The following SPAST variants were observed in gnomAD, a reference collection of about 807,000 sequenced individuals.
SPAST encodes the protein spastin, also known as spastic paraplegia 4 (autosomal dominant; spastin).
Under a neutral mutation model 76.6 loss-of-function variants are expected in SPAST, and 30 were observed. That is an observed-to-expected ratio of 0.39 (90% confidence interval 0.29 to 0.53). The LOEUF (loss-of-function observed/expected upper bound fraction) is 0.53. Ranked by LOEUF, SPAST falls within the 20% of genes least tolerant of loss-of-function variation. The pLI is 0.68. For synonymous variants in SPAST, 305 were observed against 281.0 expected (o/e 1.09, Z -0.86); for missense variants, 717 against 770.5 (o/e 0.93, Z 0.82).
chr2:32,154,726 C>A lies in SPAST; in HGVS notation c.*230C>A. On this transcript the variant is annotated 3_prime_UTR_variant, in exon 17 of 17. Coordinates refer to ENST00000315285, the MANE Select transcript of SPAST (RefSeq NM_014946.4). ...CTTGCCTTGATGGTCACAGTTATCCCAATGGACACTAAGTTAGAGCACAAC... is the reference window on the plus strand; with the variant it reads ...CTTGCCTTGATGGTCACAGTTATCCAAATGGACACTAAGTTAGAGCACAAC... The A allele has an allele frequency of 1.9e-6, 1 of 518,602 alleles. No individual in the cohort carries two copies. Among genetic ancestry groups the A allele is most frequent in the South Asian group, 2.1e-5 (1 of 47,660 alleles). The allele number at this position is 518,602 out of a possible 1,614,324, so 32.1% of individuals were successfully genotyped here. A position where few individuals can be genotyped will look rare whatever the true frequency, so the allele number is the denominator to read the frequency against.
At chr2:32,107,469 T>TCTAAAACTC in intron 4 of SPAST, among the ~76,000 whole-genome samples, 1 of 152,022 alleles carries the variant, frequency 6.6e-6, no homozygotes, top group African/African-American at 2.4e-5. Flanking sequence ...GTCAAGCTAG[T>TCTAAAACTC]CTGAGACTCC....
chr2:32,105,245 G>A (rs6543648), intron 4 of SPAST, among the ~76,000 whole-genome samples: 41,870 of 151,836 alleles, frequency 0.28, 6,179 homozygotes, highest in East Asian at 0.55. Context: ...TGATCGAATC[G>A]GCTACTGAAG....
At chr2:32,147,398 C>T (rs1256696870) in intron 16 of SPAST, 140 bp downstream of exon 16, 4 of 559,714 alleles carry the variant, frequency 7.1e-6, no homozygotes, top group Non-Finnish European at 3.0e-6. Context: ...TATCGGCTCA[C>T]TGCAACCTCC....
At position 32,064,043 on chromosome 2, in the gene SPAST, T is replaced by G; in HGVS notation, c.212T>G (p.Leu71Arg). 6.2e-7 allele frequency: 1 copy of G among 1,613,310 alleles called. No individual in the cohort carries two copies. Among genetic ancestry groups the G allele is most frequent in the Non-Finnish European group, 8.5e-7 (1 of 1,179,526 alleles). Residue 71 changes from leucine to arginine, a missense_variant, in exon 1 of 17, where the codon CTG becomes CGG. Leu to Arg is a moderately radical substitution (Grantham distance 102, BLOSUM62 -2). Around this residue, in one of 3 missense-constraint regions of SPAST, gnomAD observed 543 missense variants for 445.2 expected, o/e 1.22. Transcript: ENST00000315285. Reference protein sequence around the residue: ...FALLRLVAFHLGLLFVWLCQR... With the variant: ...FALLRLVAFHRGLLFVWLCQR... ...CTGCTGCGTTTGGTCGCCTTCCACC[T>G]GGGGCTCCTCTTCGTGTGGCTCTGC...
chr2:32,126,387 A>G (rs1475812244), intron 7 of SPAST: 2 of 151,596 alleles, frequency 1.3e-5, no homozygotes, highest in Non-Finnish European at 2.9e-5. Flanking sequence ...GGGATTTCTA[A>G]GTAGAGAAAC....
intron 1 of SPAST, among the ~76,000 whole-genome samples, chr2:32,078,335 G>T (rs765168558): frequency 6.6e-6 from 1 of 152,126 alleles, no homozygotes; most frequent in Non-Finnish European, 1.5e-5. Context: ...ACCATGCCTG[G>T]CTAATTTTTG....
At chr2:32,072,858 C>G (rs1676807147) in intron 1 of SPAST, among the ~76,000 whole-genome samples, 1 of 152,116 alleles carries the variant, frequency 6.6e-6, no homozygotes, top group African/African-American at 2.4e-5. Flanking sequence ...TTCTTTGGGC[C>G]TAATGATTCT....
At position 32,125,953 on chromosome 2, in the gene SPAST, C is replaced by A. The variant is rs1222921323; in HGVS notation, c.1099-995C>A. On this transcript the variant is annotated intron_variant, in intron 7 of 16. Coordinates refer to ENST00000315285, the MANE Select transcript of SPAST (RefSeq NM_014946.4). ...GGGACGACAGGCACCCGCCACCACG[C>A]CCGGCTAATTTTTTTGTATTTTTAG... Among the ~76,000 whole-genome samples the A allele has an allele frequency of 2.0e-5, 3 of 152,266 alleles. No individual in the cohort carries two copies. The East Asian group carries it at 5.8e-4, about 29-fold the overall frequency.
chr2:32,137,294 C>A (rs1679572204), intron 12 of SPAST, 106 bp downstream of exon 12: 1 of 947,602 alleles, frequency 1.1e-6, no homozygotes, highest in South Asian at 1.3e-5. Flanking sequence ...ACTAAATTCA[C>A]TATTTTCTTC....
Position 32,120,525 on chromosome 2 carries a change from C to T in SPAST, c.1098+4313C>T, listed in dbSNP as rs149479175. Among the ~76,000 whole-genome samples, 754 of 148,270 alleles carry T rather than the reference C, an allele frequency of 5.1e-3. 6 individuals are homozygous for T. The highest frequency in any genetic ancestry group is 0.017 in the African/African-American group (695 of 40,568). On this transcript the variant is annotated intron_variant, in intron 7 of 16. Coordinates refer to ENST00000315285, the MANE Select transcript of SPAST (RefSeq NM_014946.4). The stretch of plus-strand genomic sequence containing the variant: ...GATAATTCTTCTGTTCCATTTCAGT[C>T]TAATTTCCACATGGCCAAACCAATC...
intron 8 of SPAST, chr2:32,128,198 T>C (rs1679257566): frequency 4.0e-6 from 2 of 498,136 alleles, no homozygotes; most frequent in African/African-American, 2.0e-5. Flanking sequence ...TTTCACCATG[T>C]TGGCCAGGCT....
At chr2:32,113,014 T>G (rs1419549088) in intron 4 of SPAST, among the ~76,000 whole-genome samples, 1 of 152,186 alleles carries the variant, frequency 6.6e-6, no homozygotes, top group African/African-American at 2.4e-5. Context: ...ACAAATAACC[T>G]TTTCAACTTA....
At chr2:32,083,671 ATATAT>A (rs1488091014) in intron 1 of SPAST, among the ~76,000 whole-genome samples, 1 of 138,078 alleles carries the variant, frequency 7.2e-6, no homozygotes, top group Non-Finnish European at 1.5e-5. Flanking sequence ...ATATATATAT[ATATAT>A]TTTTATGCTA....
chr2:32,069,749 C>T (rs1295040932), intron 1 of SPAST, among the ~76,000 whole-genome samples: 2 of 151,710 alleles, frequency 1.3e-5, no homozygotes, highest in Non-Finnish European at 2.9e-5. Flanking sequence ...TTAGTAGAGA[C>T]GGGGTTTCAC....
intron 4 of SPAST, among the ~76,000 whole-genome samples, chr2:32,108,516 A>G (rs939245980): frequency 6.6e-6 from 1 of 151,886 alleles, no homozygotes; most frequent in African/African-American, 2.4e-5. Context: ...TACTTTATTT[A>G]TATATTTATT....
At chr2:32,090,504 A>T (rs1459978130) in intron 3 of SPAST, among the ~76,000 whole-genome samples, 1 of 152,186 alleles carries the variant, frequency 6.6e-6, no homozygotes, top group Admixed American at 6.5e-5. Context: ...ACACCTAAAA[A>T]ATAACTCCAA....
At chr2:32,143,092 C>T (rs189246413) in intron 13 of SPAST, among the ~76,000 whole-genome samples, 147 of 152,094 alleles carry the variant, frequency 9.7e-4, no homozygotes, top group Non-Finnish European at 1.6e-3. Flanking sequence ...TAGGGAGACC[C>T]TGTCTCTACA....
At chr2:32,117,475 A>T (rs1678879398) in intron 7 of SPAST, among the ~76,000 whole-genome samples, 1 of 150,688 alleles carries the variant, frequency 6.6e-6, no homozygotes, top group South Asian at 2.1e-4. Context: ...TTTTTTAATT[A>T]TTTTTAAAAA....
intron 4 of SPAST, among the ~76,000 whole-genome samples, chr2:32,111,563 A>G (rs983568060): frequency 2.0e-5 from 3 of 151,406 alleles, no homozygotes; most frequent in African/African-American, 7.3e-5. Context: ...AAAGCCACGT[A>G]TTATATATTA....
Sources: allele counts gnomAD v4.1 joint callset (sites outside exome capture counted in the v4.1 genomes callset), GRCh38; gene constraint gnomAD v4.1.1; regional missense constraint gnomAD v4.1.1; transcripts MANE v1.5; gene names NCBI Gene and HGNC (gene_info 2026-07-23, HGNC 2026-07-21).